The following ARHGAP6 variants were observed in gnomAD, a reference collection of about 807,000 sequenced individuals.
ARHGAP6 encodes Rho GTPase activating protein 6, also known as rho GTPase-activating protein 6.
ARHGAP6 carries 16 observed loss-of-function variants against 55.7 expected under a neutral mutation model. That is an observed-to-expected ratio of 0.29 (90% CI 0.19 to 0.44). The LOEUF (loss-of-function observed/expected upper bound fraction) is 0.44. ARHGAP6 is among the 20% of genes least tolerant of loss of function. The probability of loss-of-function intolerance (pLI) is 1.00; values close to 1 mark genes in which losing one functional copy is unlikely to be tolerated. For synonymous variants in ARHGAP6, 382 were observed against 360.9 expected (o/e 1.06, Z -0.66); for missense variants, 698 against 808.9 (o/e 0.86, Z 1.66).
chrX:11,492,246 T>A (rs1185642611), intron 1 of ARHGAP6, among the ~76,000 whole-genome samples: 1 of 110,720 alleles, frequency 9.0e-6, no homozygotes, highest in African/African-American at 3.3e-5. Context: ...TGGCTTTTGT[T>A]GCCATTGCTT....
chrX:11,519,560 G>A (rs1456806024), intron 1 of ARHGAP6, among the ~76,000 whole-genome samples: 2 of 110,988 alleles, frequency 1.8e-5, no homozygotes, highest in Admixed American at 1.9e-4. Flanking sequence ...CAAAGCTGGA[G>A]GCATCACACT....
chrX:11,460,095 T>A (rs963612444), intron 1 of ARHGAP6, among the ~76,000 whole-genome samples: 34 of 111,157 alleles, frequency 3.1e-4, no homozygotes, highest in Non-Finnish European at 1.9e-5. Flanking sequence ...TAGGTTACCT[T>A]CTGTGGCAAA....
intron 1 of ARHGAP6, among the ~76,000 whole-genome samples, chrX:11,504,410 T>A (rs137899177): frequency 2.6e-3 from 290 of 111,246 alleles, no homozygotes; most frequent in African/African-American, 8.7e-3. Flanking sequence ...GCCAGCAGTG[T>A]CACCAACACC....
At chrX:11,450,751 C>T (rs1200228312) in intron 1 of ARHGAP6, among the ~76,000 whole-genome samples, 1 of 111,920 alleles carries the variant, frequency 8.9e-6, no homozygotes, top group Non-Finnish European at 1.9e-5. Context: ...GCAGATAACT[C>T]CATGTGGTGC....
intron 1 of ARHGAP6, among the ~76,000 whole-genome samples, chrX:11,623,923 C>T (rs1444056129): frequency 9.0e-6 from 1 of 111,246 alleles, no homozygotes; most frequent in Non-Finnish European, 1.9e-5. Context: ...ATAGCCAAAG[C>T]AATCCTGACC....
At chrX:11,639,618 C>T (rs1313607071) in intron 1 of ARHGAP6, among the ~76,000 whole-genome samples, 1 of 111,209 alleles carries the variant, frequency 9.0e-6, no homozygotes, top group East Asian at 2.8e-4. Context: ...GATTAGACAG[C>T]TGCACTGTGG....
At chrX:11,327,589 A>C (rs1232540891) in intron 1 of ARHGAP6, among the ~76,000 whole-genome samples, 1 of 111,583 alleles carries the variant, frequency 9.0e-6, no homozygotes, top group Non-Finnish European at 1.9e-5. Flanking sequence ...GAGGCATTTG[A>C]ATACCAGCAA....
chrX:11,303,494 C>T (rs911790478), intron 1 of ARHGAP6, among the ~76,000 whole-genome samples: 2 of 112,074 alleles, frequency 1.8e-5, no homozygotes, highest in Admixed American at 1.9e-4. Flanking sequence ...CTTGAATCCT[C>T]TATCACAAAA....
At chrX:11,142,496 T>C in intron 11 of ARHGAP6, 183 bp from the exon 12 acceptor site, 1 of 229,550 alleles carries the variant, frequency 4.4e-6, no homozygotes, top group Non-Finnish European at 8.1e-6. Context: ...AAAAAGGCCC[T>C]TTCTATATCA....
At chrX:11,173,692 C>T in intron 8 of ARHGAP6, among the ~76,000 whole-genome samples, 1 of 112,383 alleles carries the variant, frequency 8.9e-6, no homozygotes, top group East Asian at 2.8e-4. Context: ...ACTGATTGGT[C>T]AACAATTTTT....
At chrX:11,627,970 C>T (rs927925653) in intron 1 of ARHGAP6, among the ~76,000 whole-genome samples, 1 of 111,659 alleles carries the variant, frequency 9.0e-6, no homozygotes, top group African/African-American at 3.2e-5. Context: ...GTTAGTTTTC[C>T]AGTCAATTCA....
chrX:11,622,235 G>A (rs2052238807), intron 1 of ARHGAP6, among the ~76,000 whole-genome samples: 1 of 111,826 alleles, frequency 8.9e-6, no homozygotes, highest in African/African-American at 3.2e-5. Flanking sequence ...CATTGCTGTG[G>A]TATGTAAGCT....
At chrX:11,500,213 C>T (rs2050662210) in intron 1 of ARHGAP6, among the ~76,000 whole-genome samples, 1 of 111,602 alleles carries the variant, frequency 9.0e-6, no homozygotes, top group South Asian at 3.7e-4. Flanking sequence ...TTGGAAGGTA[C>T]TTCCCAAGTC....
intron 2 of ARHGAP6, among the ~76,000 whole-genome samples, chrX:11,201,979 G>A (rs5934975): frequency 0.031 from 2,988 of 95,501 alleles, 38 homozygotes; most frequent in Middle Eastern, 0.084. Context: ...TGCAAACTGA[G>A]CATCTGGATC....
At chrX:11,528,103 C>T (rs1831429710) in intron 1 of ARHGAP6, among the ~76,000 whole-genome samples, 1 of 112,005 alleles carries the variant, frequency 8.9e-6, no homozygotes, top group South Asian at 3.7e-4. Context: ...ATAAGTATGG[C>T]TGGATTCCTT....
chrX:11,610,129 TA>T (rs59200351), intron 1 of ARHGAP6, among the ~76,000 whole-genome samples: 18,182 of 88,485 alleles, frequency 0.21, 2,143 homozygotes, highest in African/African-American at 0.42. Context: ...CTTCCTCCAG[TA>T]AAAAAAAAAA....
At chrX:11,283,633 C>T (rs1467956931) in intron 1 of ARHGAP6, among the ~76,000 whole-genome samples, 1 of 111,607 alleles carries the variant, frequency 9.0e-6, no homozygotes, top group Non-Finnish European at 1.9e-5. Context: ...GTATATGGGA[C>T]TAATATCATC....
intron 2 of ARHGAP6, among the ~76,000 whole-genome samples, chrX:11,243,143 T>C (rs2047306968): frequency 8.9e-6 from 1 of 112,131 alleles, no homozygotes; most frequent in Non-Finnish European, 1.9e-5. Context: ...AATGGTTTCC[T>C]CTCTATCACT....
At chrX:11,520,038 G>A (rs1333160045) in intron 1 of ARHGAP6, among the ~76,000 whole-genome samples, 1 of 92,578 alleles carries the variant, frequency 1.1e-5, no homozygotes, top group Non-Finnish European at 2.1e-5. Flanking sequence ...ACTACCATCA[G>A]AGTGAACAGG....
Sources: allele counts gnomAD v4.1 joint callset (sites outside exome capture counted in the v4.1 genomes callset), GRCh38; gene constraint gnomAD v4.1.1; transcripts MANE v1.5; gene names NCBI Gene and HGNC (gene_info 2026-07-23, HGNC 2026-07-21).